The following DMD variants were observed in gnomAD, a reference collection of about 807,000 sequenced individuals.
DMD encodes dystrophin, also known as mutant dystrophin.
In DMD, 63 loss-of-function variants were observed where a neutral mutation model predicts 330.1. The ratio of observed to expected loss-of-function variants is 0.19; its 90% confidence interval spans 0.16 to 0.24. The LOEUF (loss-of-function observed/expected upper bound fraction) is 0.24, where lower values mean the gene tolerates loss of function less well. DMD is among the 10% of genes least tolerant of loss of function. The pLI is 1.00. For missense variants in DMD, 3,344 were observed against 2,684.1 expected (o/e 1.25, Z -5.43); for synonymous variants, 1,223 against 959.8 (o/e 1.27, Z -5.07).
chrX:32,409,763 A>G (rs1179098059), intron 30 of DMD, among the ~76,000 whole-genome samples: 1 of 111,687 alleles, frequency 9.0e-6, no homozygotes, highest in African/African-American at 3.2e-5. Flanking sequence ...TTTTTAATCA[A>G]ACATTCCTTC....
chrX:31,550,857 G>A (rs1013494290), intron 55 of DMD, among the ~76,000 whole-genome samples: 3 of 111,886 alleles, frequency 2.7e-5, no homozygotes, highest in African/African-American at 9.8e-5. Context: ...GAACAGGAAA[G>A]GAGGAGAGGA....
At chrX:32,207,812 T>C (rs2097076784) in intron 44 of DMD, among the ~76,000 whole-genome samples, 1 of 112,073 alleles carries the variant, frequency 8.9e-6, no homozygotes, top group South Asian at 3.7e-4. Context: ...AATTGCATTG[T>C]TTTAAAGTTA....
At chrX:33,190,913 A>C (rs2050541391) in intron 1 of DMD, among the ~76,000 whole-genome samples, 1 of 1,037 alleles carries the variant, frequency 9.6e-4, no homozygotes, top group East Asian at 0.071. Context: ...AATATATAAT[A>C]TTATATATAT....
chrX:33,225,103 AC>A (rs760318286), intron 1 of DMD, among the ~76,000 whole-genome samples: 3 of 111,574 alleles, frequency 2.7e-5, no homozygotes, highest in Non-Finnish European at 3.8e-5. Flanking sequence ...GAGATTCAAC[AC>A]AGTAATGTCA....
chrX:32,853,341 A>G (rs1314724957), intron 2 of DMD, among the ~76,000 whole-genome samples: 1 of 112,474 alleles, frequency 8.9e-6, no homozygotes, highest in Non-Finnish European at 1.9e-5. Flanking sequence ...AACTACTCAT[A>G]TCTTGAATAA....
intron 41 of DMD, among the ~76,000 whole-genome samples, chrX:32,318,877 C>T (rs1261215361): frequency 9.0e-6 from 1 of 111,083 alleles, no homozygotes; most frequent in African/African-American, 3.3e-5. Context: ...TCTTTAAATA[C>T]ACCCTGCTTC....
intron 53 of DMD, among the ~76,000 whole-genome samples, chrX:31,663,895 CA>C (rs1306183598): frequency 8.9e-6 from 1 of 111,993 alleles, no homozygotes; most frequent in Non-Finnish European, 1.9e-5. Flanking sequence ...TGCCACTCTC[CA>C]ATTCATGAAA....
chrX:31,242,639 T>C (rs1279066065), intron 63 of DMD, among the ~76,000 whole-genome samples: 3 of 110,470 alleles, frequency 2.7e-5, no homozygotes, highest in Non-Finnish European at 5.7e-5. Flanking sequence ...GAAGCTGACA[T>C]AGGCTTTTTT....
chrX:32,407,101 C>A (rs113514486), intron 30 of DMD, among the ~76,000 whole-genome samples: 16,783 of 110,887 alleles, frequency 0.15, 1,112 homozygotes, highest in African/African-American at 0.24. Context: ...AAAGCAATGG[C>A]AACAAAAGCC....
chrX:32,014,716 C>G (rs184629950), intron 44 of DMD, among the ~76,000 whole-genome samples: 1 of 111,655 alleles, frequency 9.0e-6, no homozygotes, highest in East Asian at 2.8e-4. Flanking sequence ...CACGAAGAAC[C>G]CTGAAAGAAC....
At chrX:32,638,379 A>G (rs1268996893) in intron 11 of DMD, among the ~76,000 whole-genome samples, 1 of 112,170 alleles carries the variant, frequency 8.9e-6, no homozygotes, top group Non-Finnish European at 1.9e-5. Context: ...GTAGAGGTTT[A>G]CAAAGAAGTT....
At chrX:32,228,293 A>C (rs1238702075) in intron 43 of DMD, among the ~76,000 whole-genome samples, 2 of 111,465 alleles carry the variant, frequency 1.8e-5, no homozygotes, top group African/African-American at 6.5e-5. Context: ...ACACAATATA[A>C]TGTTCCAGCA....
chrX:32,370,285 C>A (rs1373976733), intron 34 of DMD, among the ~76,000 whole-genome samples: 1 of 106,154 alleles, frequency 9.4e-6, no homozygotes, highest in Non-Finnish European at 1.9e-5. Context: ...CACAATCTAA[C>A]ATGTCTTAAA....
intron 41 of DMD, among the ~76,000 whole-genome samples, chrX:32,310,754 G>A (rs1034029934): frequency 5.4e-5 from 6 of 110,515 alleles, no homozygotes; most frequent in African/African-American, 2.0e-4. Context: ...CAACAGATAC[G>A]AAGTAGTTAG....
intron 30 of DMD, among the ~76,000 whole-genome samples, chrX:32,394,329 CA>C (rs2098025102): frequency 9.0e-6 from 1 of 111,507 alleles, no homozygotes; most frequent in African/African-American, 3.3e-5. Context: ...ATCATGTTAA[CA>C]GTAACCAGGA....
intron 2 of DMD, among the ~76,000 whole-genome samples, chrX:33,000,742 A>G (rs2093259295): frequency 8.9e-6 from 1 of 112,153 alleles, no homozygotes; most frequent in African/African-American, 3.2e-5. Context: ...TGTTGAAGAA[A>G]TAATATTTTT....
At chrX:32,160,733 G>C (rs1460072248) in intron 44 of DMD, among the ~76,000 whole-genome samples, 2 of 111,265 alleles carry the variant, frequency 1.8e-5, no homozygotes, top group Non-Finnish European at 3.8e-5. Flanking sequence ...ATGTAGTTTT[G>C]TAGAATTGTT....
chrX:33,322,438 ATTAAGT>A (rs2054029338), intron 1 of DMD, among the ~76,000 whole-genome samples: 1 of 110,720 alleles, frequency 9.0e-6, no homozygotes, highest in Non-Finnish European at 1.9e-5. Flanking sequence ...CACAACATTG[ATTAAGT>A]TTGTTATTTC....
At chrX:31,333,407 CTTTTTTTT>C (rs145925904) in intron 61 of DMD, among the ~76,000 whole-genome samples, 3 of 39,340 alleles carry the variant, frequency 7.6e-5, no homozygotes, top group African/African-American at 2.1e-4. Flanking sequence ...CTGCCCCCGC[CTTTTTTTT>C]TTTTTTTTTT....
Sources: allele counts gnomAD v4.1 joint callset (sites outside exome capture counted in the v4.1 genomes callset), GRCh38; gene constraint gnomAD v4.1.1; transcripts MANE v1.5; gene names NCBI Gene and HGNC (gene_info 2026-07-23, HGNC 2026-07-21).